The following POLR3A variants were observed in gnomAD, a reference collection of about 807,000 sequenced individuals.
POLR3A encodes the protein DNA-directed RNA polymerase III subunit RPC1.
In POLR3A, 112 loss-of-function variants were observed where a neutral mutation model predicts 152.8. The ratio of observed to expected loss-of-function variants is 0.73; its 90% confidence interval spans 0.63 to 0.86. POLR3A has a LOEUF of 0.86. Among genes scored for constraint, POLR3A ranks in the 40% least tolerant of loss-of-function variants. The pLI is 0.00. For missense variants in POLR3A, 1,385 were observed against 1,743.1 expected, an observed-to-expected ratio of 0.79 and a Z score of 3.66; for synonymous variants, 615 against 652.1, an observed-to-expected ratio of 0.94 and a Z score of 0.87.
At chr10:77,999,892 A>G in intron 19 of POLR3A, 89 bp downstream of exon 19, 1 of 1,271,912 alleles carries the variant, frequency 7.9e-7, no homozygotes. Context: ...GATAAATTAC[A>G]GCTCATGTGC....
At chr10:78,016,540 C>A (rs115222856) in intron 10 of POLR3A, among the ~76,000 whole-genome samples, 1,992 of 151,990 alleles carry the variant, frequency 0.013, 52 homozygotes, top group African/African-American at 0.046. Context: ...ATGGTGAAAT[C>A]CTGCCTCAAC....
rs3781180 is a variant in POLR3A at position 77,982,859 on chromosome 10, G to T, written c.3430-42C>A. 175,591 of 1,597,286 alleles carry T rather than the reference G, an allele frequency of 0.11. 12,935 individuals carry two copies. The highest frequency in any genetic ancestry group is 0.36 in the African/African-American group (26,686 of 74,472). ...TGTAGGTGTTACTGATTCCAGTGTT[G>T]TTCTTCGTTTATTTCATTGTTGCCC... On this transcript the variant is annotated intron_variant, in intron 26 of 30. Transcript: ENST00000372371.
intron 3 of POLR3A, 60 bp downstream of exon 3, chr10:78,025,562 A>G (rs1847625003): frequency 1.3e-6 from 2 of 1,577,846 alleles, no homozygotes; most frequent in African/African-American, 1.3e-5. Flanking sequence ...AGTTCATTCC[A>G]GCATCCCTGA....
At chr10:77,984,110 G>A (rs552039042) in intron 25 of POLR3A, 95 bp downstream of exon 25, 10 of 1,214,840 alleles carry the variant, frequency 8.2e-6, no homozygotes, top group African/African-American at 4.5e-5. Context: ...TAGTGTGGAC[G>A]CCACAGGCTG....
chr10:77,995,189 A>G (rs1056709156), intron 19 of POLR3A, among the ~76,000 whole-genome samples: 11 of 152,360 alleles, frequency 7.2e-5, no homozygotes, highest in Middle Eastern at 3.4e-3. Flanking sequence ...AATAACCGGT[A>G]CCAGCCACTG....
chr10:78,025,332 T>C (rs1847622208), intron 3 of POLR3A, among the ~76,000 whole-genome samples, 190 bp from the exon 4 acceptor site: 1 of 152,210 alleles, frequency 6.6e-6, no homozygotes, highest in African/African-American at 2.4e-5. Flanking sequence ...TCACAGCCAG[T>C]AGGCAGACTT....
intron 21 of POLR3A, among the ~76,000 whole-genome samples, chr10:77,986,922 G>C (rs1447836875): frequency 6.6e-6 from 1 of 152,184 alleles, no homozygotes; most frequent in Non-Finnish European, 1.5e-5. Flanking sequence ...TCAGAGCAGG[G>C]CTAGAGACTA....
At chr10:77,981,042 C>T (rs1392224399) in intron 29 of POLR3A, among the ~76,000 whole-genome samples, 1 of 151,894 alleles carries the variant, frequency 6.6e-6, no homozygotes, top group East Asian at 1.9e-4. Flanking sequence ...CTTATTTTTT[C>T]CTGGGAATGG....
chr10:78,022,483 TAAGGA>T, intron 5 of POLR3A, 99 bp from the exon 6 acceptor site: 11 of 1,227,720 alleles, frequency 9.0e-6, no homozygotes, highest in Admixed American at 1.7e-5. Context: ...TATCTGTCAC[TAAGGA>T]TAAGTGACAA....
rs1426008274 is a variant in POLR3A, at chr10:77,991,042, G to C, written c.2901+12C>G. 5 of 1,490,576 alleles carry C rather than the reference G, an allele frequency of 3.4e-6. No homozygotes were observed. Among genetic ancestry groups the C allele is most frequent in the Admixed American group, 1.7e-5 (1 of 59,734 alleles). 92.3% of individuals were successfully genotyped at this position (1,490,576 alleles called of 1,614,324 possible). On this transcript the variant is annotated intron_variant, in intron 21 of 30. Transcript: ENST00000372371. ...AGGCTGGGTGCAGTAGCCAGCACCT[G>C]GCAGAGCTCACCTGCAGGAAGCTGT...
intron 10 of POLR3A, 145 bp downstream of exon 10, chr10:78,017,430 G>C: frequency 2.6e-6 from 2 of 773,024 alleles, no homozygotes; most frequent in East Asian, 2.7e-5. Flanking sequence ...CTGGGTGACA[G>C]AGCAAGAGCC....
At position 77,985,614 on chromosome 10, in the gene POLR3A, C is replaced by G. The variant is rs146637838; in HGVS notation, c.3072-274G>C. Among the ~76,000 whole-genome samples the G allele has an allele frequency of 3.7e-3, 558 of 152,344 alleles. 5 individuals carry two copies. Among genetic ancestry groups the G allele is most frequent in the African/African-American group, 0.013 (546 of 41,568 alleles). On this transcript the variant is annotated intron_variant, in intron 23 of 30. Coordinates refer to ENST00000372371, the MANE Select transcript of POLR3A (RefSeq NM_007055.4). ...AATGGATGCAGAAAATCTAAGCAGT[C>G]TGCTAACCAATGGTACTGATGGCAA...
chr10:78,020,851 G>A (rs1368458256), intron 8 of POLR3A, among the ~76,000 whole-genome samples: 1 of 152,082 alleles, frequency 6.6e-6, no homozygotes, highest in East Asian at 1.9e-4. Flanking sequence ...ATGTTCAAAT[G>A]CTTTGACTCA....
intron 24 of POLR3A, 29 bp downstream of exon 24, chr10:77,985,141 T>G: frequency 6.3e-7 from 1 of 1,586,104 alleles, no homozygotes; most frequent in South Asian, 1.1e-5. Flanking sequence ...CAGGCATGTG[T>G]GGAACAAGAA....
Position 77,982,835 on chromosome 10 carries a change from G to A in POLR3A, c.3430-18C>T, listed in dbSNP as rs1350228217. 3 of 1,612,238 alleles carry A rather than the reference G, an allele frequency of 1.9e-6. No individual in the cohort carries two copies. Among genetic ancestry groups the A allele is most frequent in the South Asian group, 1.1e-5 (1 of 91,028 alleles). On this transcript the variant is annotated intron_variant, in intron 26 of 30. Transcript: ENST00000372371. ...GCGTTCACCTGCAACATGGCCAGGT[G>A]TAGGTGTTACTGATTCCAGTGTTGT...
At chr10:78,011,775 C>T (rs11002366) in intron 11 of POLR3A, among the ~76,000 whole-genome samples, 12,851 of 152,100 alleles carry the variant, frequency 0.084, 1,713 homozygotes, top group African/African-American at 0.29. Context: ...ATGCACTACA[C>T]GGAGAACAGC....
At position 78,019,246 on chromosome 10, in the gene POLR3A, T is replaced by C. The variant is rs1482405980; in HGVS notation, c.1205A>G (p.Asn402Ser). ...FPEKVNKANINFLRKLVQNGP... is the reference protein window; with the variant it reads ...FPEKVNKANISFLRKLVQNGP... ...GTTTTGAACCAGTTTCCTCAAGAAATTGATGTTTGCTTTGTTTACCTGCAG... is the reference window on the plus strand; with the variant it reads ...GTTTTGAACCAGTTTCCTCAAGAAACTGATGTTTGCTTTGTTTACCTGCAG... Residue 402 changes from asparagine to serine, a missense_variant, in exon 9 of 31, where the codon AAT becomes AGT. Physicochemically the swap from Asn to Ser is conservative, Grantham distance 46. Around this residue, in one of 7 missense-constraint regions of POLR3A, gnomAD observed 493 missense variants for 647.5 expected, o/e 0.76. Coordinates refer to ENST00000372371, the MANE Select transcript of POLR3A (RefSeq NM_007055.4). The C allele has an allele frequency of 2.5e-6, 4 of 1,613,818 alleles. No individual in the cohort carries two copies. Among genetic ancestry groups the C allele is most frequent in the Non-Finnish European group, 3.4e-6 (4 of 1,179,812 alleles).
chr10:77,982,080 A>G, intron 28 of POLR3A, 74 bp downstream of exon 28: 1 of 882,204 alleles, frequency 1.1e-6, no homozygotes, highest in Non-Finnish European at 1.9e-6. Context: ...GTATACTGGG[A>G]ATCAGTGGAA....
chr10:78,000,259 T>C (rs1847344120), intron 18 of POLR3A, 141 bp from the exon 19 acceptor site: 3 of 767,170 alleles, frequency 3.9e-6, no homozygotes, highest in Admixed American at 4.2e-5. Context: ...GCAGGCTTTC[T>C]TTGCCCTTTC....
Sources: gnomAD v4.1 joint callset for allele counts (sites outside exome capture counted in the v4.1 genomes callset) on GRCh38, gnomAD v4.1.1 for gene constraint, gnomAD v4.1.1 regional missense constraint, MANE v1.5 for transcripts, NCBI Gene and HGNC (gene_info 2026-07-23, HGNC 2026-07-21) for gene names.